The following ZFHX3 variants were observed in gnomAD, a reference collection of about 807,000 sequenced individuals.
ZFHX3 encodes the protein zinc finger homeobox 3.
Under a neutral mutation model 279.1 loss-of-function variants are expected in ZFHX3, and 42 were observed. The observed-to-expected ratio is 0.15, with a 90% CI of 0.12 to 0.19. The LOEUF (loss-of-function observed/expected upper bound fraction) is 0.19, where lower values mean the gene tolerates loss of function less well. Ranked by LOEUF, ZFHX3 falls within the 10% of genes least tolerant of loss-of-function variation. ZFHX3 has a pLI of 1.00. For synonymous variants in ZFHX3, 2,293 were observed against 1,957.8 expected (o/e 1.17, Z -4.52); for missense variants, 4,981 against 4,754.0 (o/e 1.05, Z -1.40).
chr16:73,600,511 G>A (rs1220369810), intron 2 of ZFHX3, among the ~76,000 whole-genome samples: 9 of 149,028 alleles, frequency 6.0e-5, no homozygotes, highest in African/African-American at 2.3e-4. Context: ...TCCACCTCCC[G>A]AGTTCAAGCC....
chr16:73,283,166 G>C (rs527669294), intron 4 of ZFHX3, among the ~76,000 whole-genome samples: 12 of 152,178 alleles, frequency 7.9e-5, no homozygotes, highest in Admixed American at 7.9e-4. Context: ...ACTAATGAGC[G>C]TTGCTGTGTT....
chr16:73,414,519 T>A (rs573918016), intron 3 of ZFHX3, among the ~76,000 whole-genome samples: 5 of 152,320 alleles, frequency 3.3e-5, no homozygotes, highest in African/African-American at 9.6e-5. Flanking sequence ...ACCAAAGCAG[T>A]TTTATTACAG....
intron 1 of ZFHX3, among the ~76,000 whole-genome samples, chr16:73,709,026 G>T (rs904251815): frequency 3.9e-5 from 6 of 152,160 alleles, no homozygotes; most frequent in African/African-American, 1.4e-4. Context: ...ATATTTTGGG[G>T]TGTCATTTCC....
intron 7 of ZFHX3, among the ~76,000 whole-genome samples, chr16:73,118,916 A>C (rs11643778): frequency 0.11 from 16,260 of 152,142 alleles, 917 homozygotes; most frequent in Middle Eastern, 0.16. Context: ...ATCCCCATGC[A>C]GCCCATGGAC....
chr16:73,235,598 AG>A (rs2144936559), intron 5 of ZFHX3, among the ~76,000 whole-genome samples: 1 of 152,254 alleles, frequency 6.6e-6, no homozygotes, highest in South Asian at 2.1e-4. Flanking sequence ...GGGGAATAAA[AG>A]TTGTGCCATG....
chr16:73,676,631 A>G (rs981735609), intron 2 of ZFHX3, among the ~76,000 whole-genome samples: 2 of 151,978 alleles, frequency 1.3e-5, no homozygotes, highest in African/African-American at 4.8e-5. Flanking sequence ...TATTTATAAC[A>G]ATGTACGTAA....
At chr16:73,420,472 C>T (rs1179566767) in intron 3 of ZFHX3, among the ~76,000 whole-genome samples, 5 of 152,134 alleles carry the variant, frequency 3.3e-5, no homozygotes, top group Non-Finnish European at 5.9e-5. Context: ...CTGGCATTAT[C>T]GGGTAGATGC....
At chr16:73,622,050 T>A (rs2052368823) in intron 2 of ZFHX3, among the ~76,000 whole-genome samples, 1 of 152,234 alleles carries the variant, frequency 6.6e-6, no homozygotes, top group African/African-American at 2.4e-5. Context: ...TTTCAAGCTT[T>A]CCATGTATTT....
intron 5 of ZFHX3, among the ~76,000 whole-genome samples, chr16:73,215,696 A>G (rs998136228): frequency 6.6e-6 from 1 of 152,196 alleles, no homozygotes. Flanking sequence ...TGCTGAATGA[A>G]TCACTGTTCA....
rs774042177 is a variant in ZFHX3, at chr16:72,798,244, T to G, written c.4438A>C (p.Thr1480Pro). The G allele has an allele frequency of 2.5e-6, 4 of 1,614,006 alleles. No homozygotes were observed. In the South Asian group the frequency reaches 3.3e-5, roughly 13 times the overall value. The change falls in exon 9 of 10, where the codon ACT becomes CCT. Residue 1480 changes from threonine (T) to proline (P), a missense_variant. This residue lies in a region of ZFHX3 where 1,751 missense variants were observed against 1,770.0 expected (regional missense o/e 0.99). Coordinates refer to ENST00000268489, the MANE Select transcript of ZFHX3 (RefSeq NM_006885.4). ...ATTATGGTATGGTCCTCTGCCAGAG[T>G]GGGGTCTCCCATTGCCAGGAGGTCC... ...NGDLLAMGDP[T>P]LAEDHTIIVE...
At chr16:73,757,804 G>C (rs1303093855) in intron 1 of ZFHX3, among the ~76,000 whole-genome samples, 1 of 152,172 alleles carries the variant, frequency 6.6e-6, no homozygotes, top group African/African-American at 2.4e-5. Context: ...AGGTGGATGT[G>C]ACAACCTTTA....
chr16:73,117,460 G>A (rs978253578), intron 7 of ZFHX3, among the ~76,000 whole-genome samples: 2 of 152,208 alleles, frequency 1.3e-5, no homozygotes, highest in Non-Finnish European at 2.9e-5. Context: ...CCAGAAAGTA[G>A]AAATTTCCAG....
At chr16:73,714,168 G>T (rs2053392031) in intron 1 of ZFHX3, among the ~76,000 whole-genome samples, 1 of 152,128 alleles carries the variant, frequency 6.6e-6, no homozygotes. Flanking sequence ...ACCCACATCA[G>T]TAGGTTTTAA....
chr16:73,796,120 T>A (rs1959979089), intron 1 of ZFHX3, among the ~76,000 whole-genome samples: 1 of 152,266 alleles, frequency 6.6e-6, no homozygotes, highest in Admixed American at 6.5e-5. Context: ...AACAAGTACC[T>A]AATTTTCTTT....
chr16:73,410,847 G>T (rs754480918), intron 3 of ZFHX3, among the ~76,000 whole-genome samples: 1 of 152,176 alleles, frequency 6.6e-6, no homozygotes, highest in African/African-American at 2.4e-5. Flanking sequence ...TCTCCTTCCC[G>T]TAACAACCCA....
chr16:73,253,656 C>T (rs1022718387), intron 5 of ZFHX3, among the ~76,000 whole-genome samples: 18 of 151,788 alleles, frequency 1.2e-4, no homozygotes, highest in African/African-American at 3.9e-4. Flanking sequence ...GGGGTTTCAC[C>T]GGGTTAACTA....
At position 72,787,246 on chromosome 16, in the gene ZFHX3, C is replaced by G; in HGVS notation, c.11030G>C (p.Ser3677Thr). The G allele has an allele frequency of 6.2e-7, 1 of 1,614,112 alleles. No individual in the cohort carries two copies. Among genetic ancestry groups the G allele is most frequent in the African/African-American group, 1.3e-5 (1 of 75,008 alleles). The change falls in exon 10 of 10, where the codon AGC becomes ACC. Residue 3677 changes from serine (S) to threonine (T), a missense_variant. Transcript: ENST00000268489. The stretch of plus-strand genomic sequence containing the variant: ...GGGGTCTTTGGGACCCTCCACCGGG[C>G]TCGCCGGTCCGTCGGACTTTTGGCT... ...DLSQKSDGPA[S>T]PVEGPKDPSC...
intron 2 of ZFHX3, among the ~76,000 whole-genome samples, chr16:73,613,307 C>A (rs1430719133): frequency 6.6e-6 from 1 of 152,144 alleles, no homozygotes; most frequent in South Asian, 2.1e-4. Flanking sequence ...CCACCCAGGG[C>A]CCCCACTCAG....
intron 8 of ZFHX3, among the ~76,000 whole-genome samples, chr16:73,090,070 TC>T (rs1966054323): frequency 1.3e-5 from 2 of 152,182 alleles, no homozygotes; most frequent in Admixed American, 6.5e-5. Flanking sequence ...ATCCGTGCTC[TC>T]CAAGTTCACT....
Sources: allele counts gnomAD v4.1 joint callset (sites outside exome capture counted in the v4.1 genomes callset), GRCh38; gene constraint gnomAD v4.1.1; regional missense constraint gnomAD v4.1.1; transcripts MANE v1.5; gene names NCBI Gene and HGNC (gene_info 2026-07-23, HGNC 2026-07-21).